The following THSD7B variants were observed in gnomAD, a reference collection of about 807,000 sequenced individuals.
The protein encoded by THSD7B is thrombospondin type-1 domain-containing protein 7B.
THSD7B carries 138 observed loss-of-function variants against 213.6 expected under a neutral mutation model. The observed-to-expected ratio is 0.65, with a 90% confidence interval of 0.56 to 0.74. THSD7B has a LOEUF of 0.74. Ranked by LOEUF, THSD7B falls within the 30% of genes least tolerant of loss-of-function variation. THSD7B has a pLI of 0.00. For missense variants in THSD7B, 1,931 were observed against 1,991.5 expected, an observed-to-expected ratio of 0.97 and a Z score of 0.58; for synonymous variants, 742 against 687.0, an observed-to-expected ratio of 1.08 and a Z score of -1.25.
At chr2:137,275,847 T>C in intron 11 of THSD7B, 76 bp from the exon 12 acceptor site, 1 of 1,141,030 alleles carries the variant, frequency 8.8e-7, no homozygotes, top group Non-Finnish European at 1.3e-6. Flanking sequence ...TTTTTTAAAC[T>C]TCAAACATAT....
intron 17 of THSD7B, among the ~76,000 whole-genome samples, chr2:137,580,474 C>T (rs1332701622): frequency 6.6e-6 from 1 of 152,078 alleles, no homozygotes; most frequent in Non-Finnish European, 1.5e-5. Flanking sequence ...TTAGGATTTC[C>T]TGACATACAC....
At chr2:136,791,755 C>T (rs1168146124) in intron 1 of THSD7B, among the ~76,000 whole-genome samples, 1 of 152,000 alleles carries the variant, frequency 6.6e-6, no homozygotes, top group African/African-American at 2.4e-5. Context: ...ACTAATATTC[C>T]ATTGTATGGA....
chr2:136,919,420 A>G (rs965832608), intron 2 of THSD7B, among the ~76,000 whole-genome samples: 1 of 152,208 alleles, frequency 6.6e-6, no homozygotes, highest in Admixed American at 6.5e-5. Flanking sequence ...AGCTTGCTTC[A>G]TTCTGATGAC....
chr2:137,492,611 A>T (rs183098733), intron 15 of THSD7B, among the ~76,000 whole-genome samples: 1 of 152,212 alleles, frequency 6.6e-6, no homozygotes, highest in Non-Finnish European at 1.5e-5. Context: ...TAGAATCAAG[A>T]AGACTTGTGT....
chr2:137,105,332 A>G (rs1377666613), intron 4 of THSD7B, among the ~76,000 whole-genome samples: 1 of 152,214 alleles, frequency 6.6e-6, no homozygotes, highest in Non-Finnish European at 1.5e-5. Context: ...ATAGACGCAG[A>G]AAAGCCCTTC....
chr2:137,562,594 TTGTGTGTG>T lies in THSD7B; in HGVS notation c.3139-597_3139-590del, dbSNP rs72488766. Among the ~76,000 whole-genome samples the T allele has an allele frequency of 2.2e-3, 313 of 145,072 alleles. 1 individual carries two copies. The highest frequency in any genetic ancestry group is 6.9e-3 in the Middle Eastern group (2 of 288). On this transcript the variant is annotated intron_variant, in intron 15 of 27. Transcript: ENST00000409968. The stretch of plus-strand genomic sequence containing the variant: ...AGTAACAGTTTAGCAGTATTTCTCT[TTGTGTGTG>T]TGTGTGTGTGTGTGTGTGTGTGTGT...
intron 15 of THSD7B, among the ~76,000 whole-genome samples, chr2:137,464,686 G>T (rs1687957046): frequency 6.6e-6 from 1 of 152,072 alleles, no homozygotes; most frequent in African/African-American, 2.4e-5. Flanking sequence ...CCAGAGCACA[G>T]TGAAAAGTTG....
At chr2:137,419,786 A>C (rs13411577) in intron 14 of THSD7B, among the ~76,000 whole-genome samples, 34,172 of 151,552 alleles carry the variant, frequency 0.23, 4,002 homozygotes, top group South Asian at 0.27. Context: ...GTCAGATTTC[A>C]CTGGGGACCT....
In THSD7B at chr2:137,074,393, G is replaced by C. The variant is rs528183126; in HGVS notation, c.950+17163G>C. Among the ~76,000 whole-genome samples the C allele has an allele frequency of 1.7e-3, 265 of 152,118 alleles. 1 individual carries two copies. The highest frequency in any genetic ancestry group is 6.2e-3 in the African/African-American group (258 of 41,458). The stretch of plus-strand genomic sequence containing the variant: ...TTGGTTTAAAGTCTGTTTTATCCGA[G>C]ACTAGGATTGCAACCCCTGCCTTTT... On this transcript the variant is annotated intron_variant, in intron 3 of 27. Transcript: ENST00000409968.
intron 10 of THSD7B, among the ~76,000 whole-genome samples, chr2:137,247,009 T>A (rs941319022): frequency 1.1e-4 from 16 of 152,316 alleles, no homozygotes; most frequent in African/African-American, 3.4e-4. Context: ...CAGTGAAGGA[T>A]GAGAAACACT....
chr2:137,085,790 G>GA (rs1440826500), intron 3 of THSD7B, among the ~76,000 whole-genome samples: 2 of 151,688 alleles, frequency 1.3e-5, no homozygotes, highest in Non-Finnish European at 2.9e-5. Context: ...TGGGATTGAG[G>GA]AAAAAATCTC....
At chr2:136,970,633 A>G (rs1299493751) in intron 2 of THSD7B, among the ~76,000 whole-genome samples, 1 of 152,174 alleles carries the variant, frequency 6.6e-6, no homozygotes, top group Non-Finnish European at 1.5e-5. Flanking sequence ...GGAGAAAAAT[A>G]AATAATACAA....
chr2:137,554,805 A>G (rs925421688), intron 15 of THSD7B, among the ~76,000 whole-genome samples: 1 of 152,170 alleles, frequency 6.6e-6, no homozygotes. Context: ...ATAGCCAAAC[A>G]AATCTGTGAC....
chr2:137,193,439 T>C (rs1680699723), intron 7 of THSD7B, among the ~76,000 whole-genome samples: 1 of 152,174 alleles, frequency 6.6e-6, no homozygotes, highest in Non-Finnish European at 1.5e-5. Context: ...GGTGAGAACA[T>C]CTGAAATGTA....
At chr2:137,411,102 T>G (rs1294365520) in intron 13 of THSD7B, among the ~76,000 whole-genome samples, 1 of 152,262 alleles carries the variant, frequency 6.6e-6, no homozygotes, top group Non-Finnish European at 1.5e-5. Flanking sequence ...ACTTGATCAT[T>G]TATTTCAATT....
At chr2:137,141,561 G>A (rs759104951) in intron 5 of THSD7B, among the ~76,000 whole-genome samples, 10 of 151,762 alleles carry the variant, frequency 6.6e-5, no homozygotes, top group Admixed American at 2.0e-4. Flanking sequence ...GGTAAGCTCT[G>A]CAGATTGTAA....
chr2:137,121,317 A>T (rs1175584697), intron 5 of THSD7B, among the ~76,000 whole-genome samples: 1 of 152,220 alleles, frequency 6.6e-6, no homozygotes, highest in East Asian at 1.9e-4. Context: ...CCTAGCACTG[A>T]GTAGAGGTTG....
At chr2:137,277,004 A>T (rs1359080932) in intron 12 of THSD7B, among the ~76,000 whole-genome samples, 2 of 152,076 alleles carry the variant, frequency 1.3e-5, no homozygotes, top group Non-Finnish European at 2.9e-5. Context: ...TTACTTTCAT[A>T]TATCACTAAA....
At chr2:136,890,517 T>TCCTTTCTTCTTCTTCTTTCTTCTTCTTC (rs1553455896) in intron 2 of THSD7B, among the ~76,000 whole-genome samples, 1 of 59,030 alleles carries the variant, frequency 1.7e-5, no homozygotes, top group African/African-American at 7.3e-5. Context: ...CTTCTTCTTC[T>TCCTTTCTTCTTCTTCTTTCTTCTTCTTC]TTCTTCTTCT....
Sources: gnomAD v4.1 joint callset for allele counts (sites outside exome capture counted in the v4.1 genomes callset) on GRCh38, gnomAD v4.1.1 for gene constraint, MANE v1.5 for transcripts, NCBI Gene and HGNC (gene_info 2026-07-23, HGNC 2026-07-21) for gene names.